CRPPA: variants seen among roughly 807,000 people sequenced by gnomAD.
CRPPA encodes the protein D-ribitol-5-phosphate cytidylyltransferase.
In CRPPA, 43 loss-of-function variants were observed where a neutral mutation model predicts 52.0. The observed-to-expected ratio is 0.83, with a 90% CI of 0.65 to 1.07. The LOEUF (loss-of-function observed/expected upper bound fraction) is 1.07. Among genes scored for constraint, CRPPA ranks in the 50% least tolerant of loss-of-function variants. The pLI is 0.00. For synonymous variants in CRPPA, 250 were observed against 203.5 expected (o/e 1.23, Z -1.94); for missense variants, 629 against 551.7 (o/e 1.14, Z -1.40).
chr7:16,157,358 A>T (rs1783204444), intron 9 of CRPPA, among the ~76,000 whole-genome samples: 1 of 152,188 alleles, frequency 6.6e-6, no homozygotes, highest in Non-Finnish European at 1.5e-5. Context: ...TGATTCTGCA[A>T]CAAGTCCGTA....
intron 9 of CRPPA, among the ~76,000 whole-genome samples, chr7:16,178,077 G>C (rs1283179862): frequency 6.6e-6 from 1 of 150,792 alleles, no homozygotes; most frequent in Non-Finnish European, 1.5e-5. Context: ...AAAAAAAAGA[G>C]AAAAATGGAA....
intron 9 of CRPPA, among the ~76,000 whole-genome samples, chr7:16,174,095 C>CA (rs544154743): frequency 8.6e-4 from 129 of 150,774 alleles, no homozygotes; most frequent in African/African-American, 2.1e-3. Context: ...TTAAACACTT[C>CA]AAAAAAAAAT....
chr7:16,408,127 A>AAT (rs1554364880), intron 1 of CRPPA, among the ~76,000 whole-genome samples: 7 of 151,440 alleles, frequency 4.6e-5, no homozygotes, highest in African/African-American at 1.7e-4. Flanking sequence ...AAAAATAAAA[A>AAT]AATAACTTAT....
intron 3 of CRPPA, among the ~76,000 whole-genome samples, chr7:16,356,689 C>A (rs893238273): frequency 6.6e-6 from 1 of 152,192 alleles, no homozygotes; most frequent in African/African-American, 2.4e-5. Context: ...CTTTCCACAT[C>A]TGTCTTAAAT....
chr7:16,342,836 GATATATAGATATAC>G (rs1211159236), intron 3 of CRPPA, among the ~76,000 whole-genome samples: 1 of 142,218 alleles, frequency 7.0e-6, no homozygotes, highest in African/African-American at 2.6e-5. Flanking sequence ...TAGATATATA[GATATATAGATATAC>G]ATATATAGAT....
At chr7:16,373,764 G>A (rs969734666) in intron 3 of CRPPA, among the ~76,000 whole-genome samples, 1 of 152,178 alleles carries the variant, frequency 6.6e-6, no homozygotes, top group African/African-American at 2.4e-5. Flanking sequence ...AGCATGGCTA[G>A]AGCATATATA....
intron 9 of CRPPA, among the ~76,000 whole-genome samples, chr7:16,129,473 C>T (rs1782642561): frequency 6.6e-6 from 1 of 152,132 alleles, no homozygotes; most frequent in South Asian, 2.1e-4. Flanking sequence ...CCATCTTAGG[C>T]TCTCATTGTC....
At chr7:16,137,212 GCTTAT>G in intron 9 of CRPPA, among the ~76,000 whole-genome samples, 1 of 152,272 alleles carries the variant, frequency 6.6e-6, no homozygotes, top group East Asian at 1.9e-4. Flanking sequence ...AAGCTGCCTC[GCTTAT>G]CTTCCATGTG....
At chr7:16,270,415 C>T (rs1562598922) in intron 6 of CRPPA, 1 of 151,958 alleles carries the variant, frequency 6.6e-6, no homozygotes, top group Non-Finnish European at 1.5e-5. Context: ...ATCCTAGCTC[C>T]CTCAATTAAT....
At chr7:16,371,926 G>A (rs1187360561) in intron 3 of CRPPA, among the ~76,000 whole-genome samples, 1 of 152,018 alleles carries the variant, frequency 6.6e-6, no homozygotes, top group South Asian at 2.1e-4. Flanking sequence ...GCAGTGGAAA[G>A]TTTCAACAAC....
At chr7:16,403,102 A>T (rs1787863482) in intron 2 of CRPPA, among the ~76,000 whole-genome samples, 1 of 152,200 alleles carries the variant, frequency 6.6e-6, no homozygotes, top group Non-Finnish European at 1.5e-5. Context: ...TAAAGCCAGG[A>T]GACAGTGACA....
chr7:16,138,120 A>C (rs1227292178), intron 9 of CRPPA, among the ~76,000 whole-genome samples: 2 of 152,216 alleles, frequency 1.3e-5, no homozygotes, highest in African/African-American at 4.8e-5. Flanking sequence ...TCAACAATTT[A>C]TATGTACATA....
chr7:16,400,038 C>G (rs749956987), intron 2 of CRPPA, among the ~76,000 whole-genome samples: 1 of 152,060 alleles, frequency 6.6e-6, no homozygotes, highest in Non-Finnish European at 1.5e-5. Context: ...TAGTACGTGA[C>G]GAATACACAA....
In CRPPA at chr7:16,408,115, A is replaced by T. The variant is rs538029231; in HGVS notation, c.258-1778T>A. Among the ~76,000 whole-genome samples the T allele has an allele frequency of 2.4e-4, 36 of 150,710 alleles. 1 individual carries two copies. Among genetic ancestry groups the T allele is most frequent in the South Asian group, 8.5e-4 (4 of 4,726 alleles). ...AGAGCAGGACTCTGTCTTTAAAAAAAAAAAAATAAAAAAATAACTTATCAG... is the reference window on the plus strand; with the variant it reads ...AGAGCAGGACTCTGTCTTTAAAAAATAAAAAATAAAAAAATAACTTATCAG... On this transcript the variant is annotated intron_variant, in intron 1 of 9. Transcript: ENST00000407010.
At chr7:16,373,461 A>T (rs1183217979) in intron 3 of CRPPA, among the ~76,000 whole-genome samples, 1 of 152,238 alleles carries the variant, frequency 6.6e-6, no homozygotes, top group African/African-American at 2.4e-5. Flanking sequence ...TACCAGGCAG[A>T]TTGCTAAGAA....
chr7:16,121,120 G>A (rs1782471942), intron 9 of CRPPA, among the ~76,000 whole-genome samples: 1 of 152,042 alleles, frequency 6.6e-6, no homozygotes, highest in South Asian at 2.1e-4. Context: ...CATAGGTAAT[G>A]ACTGAAAAAC....
At chr7:16,254,877 G>T (rs953882459) in intron 8 of CRPPA, among the ~76,000 whole-genome samples, 8 of 150,732 alleles carry the variant, frequency 5.3e-5, no homozygotes, top group African/African-American at 2.0e-4. Context: ...AAAGAGGCAG[G>T]CACAAGATAA....
At chr7:16,345,466 T>C (rs1785989555) in intron 3 of CRPPA, among the ~76,000 whole-genome samples, 1 of 152,172 alleles carries the variant, frequency 6.6e-6, no homozygotes, top group Non-Finnish European at 1.5e-5. Context: ...ATCATATAAA[T>C]GTACTTTTGG....
chr7:16,199,657 G>T (rs1290849969), intron 9 of CRPPA, among the ~76,000 whole-genome samples: 1 of 73,100 alleles, frequency 1.4e-5, no homozygotes, highest in Non-Finnish European at 3.0e-5. Flanking sequence ...CAAACCATAA[G>T]TTCACTTAAA....
Sources: allele counts gnomAD v4.1 joint callset (sites outside exome capture counted in the v4.1 genomes callset), GRCh38; gene constraint gnomAD v4.1.1; transcripts MANE v1.5; gene names NCBI Gene and HGNC (gene_info 2026-07-23, HGNC 2026-07-21).